PLAC8: variants seen among roughly 807,000 people sequenced by gnomAD.
PLAC8 encodes placenta associated 8.
A neutral mutation model predicts 12.6 loss-of-function variants in PLAC8; 6 were observed. That is an observed-to-expected ratio of 0.48 (90% CI 0.26 to 0.94). PLAC8 has a LOEUF of 0.94. Ranked by LOEUF, PLAC8 falls within the 40% of genes least tolerant of loss-of-function variation. The probability of loss-of-function intolerance (pLI) is 0.14; values close to 1 mark genes in which losing one functional copy is unlikely to be tolerated. For missense variants in PLAC8, 122 were observed against 152.7 expected, an observed-to-expected ratio of 0.80 and a Z score of 1.06; for synonymous variants, 54 against 52.6, an observed-to-expected ratio of 1.03 and a Z score of -0.11.
At chr4:83,105,179 A>G (rs1056053888) in intron 2 of PLAC8, among the ~76,000 whole-genome samples, 159 bp from the exon 3 acceptor site, 4 of 152,200 alleles carry the variant, frequency 2.6e-5, no homozygotes, top group Admixed American at 6.5e-5. Context: ...CTTTGCATCA[A>G]TTTCTCGCTC....
Position 83,094,766 on chromosome 4 carries a change from G to T in PLAC8, c.269C>A (p.Ala90Glu), listed in dbSNP as rs1274276604. The T allele has an allele frequency of 6.3e-7, 1 of 1,593,366 alleles. No individual in the cohort carries two copies. Among genetic ancestry groups the T allele is most frequent in the Non-Finnish European group, 8.5e-7 (1 of 1,171,280 alleles). Residue 90 changes from alanine to glutamate, a missense_variant, in exon 4 of 5, where the codon GCA becomes GAA. By Grantham distance (107) the Ala-to-Glu change is moderately radical. Transcript: ENST00000311507. ...AGTACAATGAGGACAGCAAAGAGTT[G>T]CCATATAGTCATCACAAATAGATCC... is the stretch of plus-strand genomic sequence containing the variant. ...IPGSICDDYM[A>E]TLCCPHCTLC...
At chr4:83,113,710 G>A (rs1021257602) in intron 1 of PLAC8, among the ~76,000 whole-genome samples, 2 of 152,062 alleles carry the variant, frequency 1.3e-5, no homozygotes, top group Non-Finnish European at 2.9e-5. Flanking sequence ...GGAAAAATGG[G>A]GGCAGGAGGT....
chr4:83,105,786 A>C (rs535544180), intron 2 of PLAC8, among the ~76,000 whole-genome samples: 2 of 152,336 alleles, frequency 1.3e-5, no homozygotes, highest in South Asian at 4.1e-4. Flanking sequence ...GGTAATAATA[A>C]TACTAGGGGT....
At chr4:83,096,325 A>G (rs1731924873) in intron 3 of PLAC8, among the ~76,000 whole-genome samples, 1 of 152,190 alleles carries the variant, frequency 6.6e-6, no homozygotes, top group African/African-American at 2.4e-5. Context: ...GTTTCAGGCT[A>G]GGACTGCAGG....
At chr4:83,106,834 C>CA (rs1732254161) in intron 2 of PLAC8, among the ~76,000 whole-genome samples, 1 of 152,216 alleles carries the variant, frequency 6.6e-6, no homozygotes, top group Admixed American at 6.5e-5. Flanking sequence ...ACGCCCATCA[C>CA]ACCCCAAACT....
At position 83,105,027 on chromosome 4, in the gene PLAC8, A is replaced by G. The variant is rs756191098; in HGVS notation, c.119-7T>C. On this transcript the variant is annotated splice_polypyrimidine_tract_variant and splice_region_variant and intron_variant, in intron 2 of 4. Coordinates refer to ENST00000311507, the MANE Select transcript of PLAC8 (RefSeq NM_016619.3). Reference sequence around the variant, plus strand: ...CAAAATGTGCCACAGAGACCTAGACACATGAAACCAGGGGTACATATTACT... The same window carrying G: ...CAAAATGTGCCACAGAGACCTAGACGCATGAAACCAGGGGTACATATTACT... 1 of 1,614,096 alleles carries G rather than the reference A, an allele frequency of 6.2e-7. No individual in the cohort carries two copies. The highest frequency in any genetic ancestry group is 1.1e-5 in the South Asian group (1 of 91,072).
intron 3 of PLAC8, among the ~76,000 whole-genome samples, chr4:83,100,154 T>G (rs997999800): frequency 9.9e-4 from 148 of 149,598 alleles, no homozygotes; most frequent in Non-Finnish European, 1.4e-3. Context: ...GGTGGCGGGC[T>G]CCTGTAGTCC....
chr4:83,113,378 G>A (rs371290333), intron 1 of PLAC8, among the ~76,000 whole-genome samples: 32 of 152,298 alleles, frequency 2.1e-4, no homozygotes, highest in African/African-American at 7.7e-4. Flanking sequence ...AGTATCCTGG[G>A]CACTTCACAA....
At chr4:83,111,391 G>A (rs1732419791) in intron 1 of PLAC8, among the ~76,000 whole-genome samples, 1 of 151,988 alleles carries the variant, frequency 6.6e-6, no homozygotes, top group Non-Finnish European at 1.5e-5. Context: ...ACCAGGCCAG[G>A]CACGGTGGCT....
intron 3 of PLAC8, among the ~76,000 whole-genome samples, chr4:83,104,174 A>G (rs1732181113): frequency 6.6e-6 from 1 of 152,248 alleles, no homozygotes; most frequent in African/African-American, 2.4e-5. Flanking sequence ...TTTTTGAGAC[A>G]TAATGTTATT....
At chr4:83,109,470 A>T (rs1732349740) in intron 1 of PLAC8, among the ~76,000 whole-genome samples, 1 of 152,218 alleles carries the variant, frequency 6.6e-6, no homozygotes, top group South Asian at 2.1e-4. Context: ...ACAAAAAACC[A>T]GGGGGTCCGG....
At chr4:83,108,455 T>C (rs1219845193) in intron 1 of PLAC8, among the ~76,000 whole-genome samples, 2 of 152,114 alleles carry the variant, frequency 1.3e-5, no homozygotes. Context: ...TTAGCCAGGC[T>C]TGGTGGCGCG....
intron 1 of PLAC8, among the ~76,000 whole-genome samples, chr4:83,112,649 T>G (rs1323001514): frequency 6.6e-6 from 1 of 152,244 alleles, no homozygotes; most frequent in African/African-American, 2.4e-5. Context: ...TCCCGTGAGA[T>G]ATCTTATTCA....
chr4:83,094,989 C>T (rs369150533), intron 3 of PLAC8, among the ~76,000 whole-genome samples, 198 bp from the exon 4 acceptor site: 138 of 152,162 alleles, frequency 9.1e-4, no homozygotes, highest in African/African-American at 2.5e-3. Flanking sequence ...CTATACTTTA[C>T]GTTTCTGAAA....
At chr4:83,108,252 A>G (rs531815001) in intron 1 of PLAC8, among the ~76,000 whole-genome samples, 4 of 152,184 alleles carry the variant, frequency 2.6e-5, no homozygotes, top group South Asian at 2.1e-4. Context: ...CAGAATTTCT[A>G]TCTCCACCCT....
chr4:83,096,766 A>T (rs369638141), intron 3 of PLAC8, among the ~76,000 whole-genome samples: 1 of 152,208 alleles, frequency 6.6e-6, no homozygotes, highest in African/African-American at 2.4e-5. Flanking sequence ...TTGATATATG[A>T]TAGCCAATAC....
rs372596681 is a variant in PLAC8 at position 83,112,204 on chromosome 4, G to A, written c.-30+2462C>T. ...AAAAAAAATTTATATATATATATAT[G>A]TATATATATATATGTATATATATAT... On this transcript the variant is annotated intron_variant, in intron 1 of 4. Transcript: ENST00000311507. 5.7e-3 allele frequency among the ~76,000 whole-genome samples: 730 copies of A among 128,394 alleles called. 11 individuals are homozygous for A. Among genetic ancestry groups the A allele is most frequent in the African/African-American group, 0.026 (666 of 25,802 alleles). 84.2% of individuals were successfully genotyped at this position (128,394 alleles called of 152,430 possible). A position where few individuals can be genotyped will look rare whatever the true frequency, so the allele number is the denominator to read the frequency against.
rs372485464 is a variant in PLAC8 at position 83,097,185 on chromosome 4, A to T, written c.244-2394T>A. 1.6e-4 allele frequency among the ~76,000 whole-genome samples: 25 copies of T among 152,146 alleles called. No individual in the cohort carries two copies. The East Asian group carries it at 4.8e-3, about 29-fold the overall frequency. ...CAATTAAGAAATTGGCAAATGAAAA[A>T]TCTTACAAGTGCCCAATCTTCTGTC... On this transcript the variant is annotated intron_variant, in intron 3 of 4. Transcript: ENST00000311507.
chr4:83,110,577 G>A lies in PLAC8; in HGVS notation c.-29-2627C>T, dbSNP rs559036580. The stretch of plus-strand genomic sequence containing the variant: ...TGGTACACAGGAGGAGCTCACTAGC[G>A]CCCCCGCCACCACGCTCTCCGCTTC... On this transcript the variant is annotated intron_variant, in intron 1 of 4. Transcript: ENST00000311507. Among the ~76,000 whole-genome samples the A allele has an allele frequency of 1.1e-4, 16 of 152,216 alleles. No homozygotes were observed. In the East Asian group the frequency reaches 2.9e-3, roughly 28 times the overall value.
Sources: gnomAD v4.1 joint callset for allele counts (sites outside exome capture counted in the v4.1 genomes callset) on GRCh38, gnomAD v4.1.1 for gene constraint, MANE v1.5 for transcripts, NCBI Gene and HGNC (gene_info 2026-07-23, HGNC 2026-07-21) for gene names.